The following FNDC3B variants were observed in gnomAD, a reference collection of about 807,000 sequenced individuals.
The protein encoded by FNDC3B is fibronectin type III domain containing 3B.
A neutral mutation model predicts 151.5 loss-of-function variants in FNDC3B; 12 were observed. The observed-to-expected ratio is 0.08, with a 90% CI of 0.05 to 0.13. The LOEUF is 0.13. Ranked by LOEUF, FNDC3B falls within the 10% of genes least tolerant of loss-of-function variation. The pLI, the probability that FNDC3B is intolerant of heterozygous loss-of-function variation, is 1.00. For missense variants in FNDC3B, 1,214 were observed against 1,505.3 expected, an observed-to-expected ratio of 0.81 and a Z score of 3.20; for synonymous variants, 528 against 549.0, an observed-to-expected ratio of 0.96 and a Z score of 0.54.
At chr3:172,347,539 T>G (rs1733671661) in intron 21 of FNDC3B, among the ~76,000 whole-genome samples, 178 bp downstream of exon 21, 2 of 152,324 alleles carry the variant, frequency 1.3e-5, no homozygotes, top group East Asian at 3.9e-4. Context: ...AATTTCCACT[T>G]CTCTAGGAAA....
At chr3:172,310,584 G>GA in intron 10 of FNDC3B, among the ~76,000 whole-genome samples, 1 of 152,222 alleles carries the variant, frequency 6.6e-6, no homozygotes, top group Non-Finnish European at 1.5e-5. Context: ...GGTGGTGGTG[G>GA]TGGTAGGTAG....
rs116267041 is a variant in FNDC3B, at chr3:172,245,571, T to C, written c.265-1962T>C. ...AAAATCATGATGTATTTATACTACA[T>C]GTGCTATTTATATACATGTGCTACC... On this transcript the variant is annotated intron_variant, in intron 4 of 25. Transcript: ENST00000415807. 2.0e-5 allele frequency among the ~76,000 whole-genome samples: 3 copies of C among 152,338 alleles called. No homozygotes were observed. In the East Asian group the frequency reaches 5.8e-4, roughly 29 times the overall value.
In FNDC3B at chr3:172,251,421, G is replaced by A. The variant is rs1678199524; in HGVS notation, c.670G>A (p.Gly224Ser). 1 of 1,613,984 alleles carries A rather than the reference G, an allele frequency of 6.2e-7. No homozygotes were observed. Among genetic ancestry groups the A allele is most frequent in the African/African-American group, 1.3e-5 (1 of 74,910 alleles). The change falls in exon 6 of 26, where the codon GGC becomes AGC. Residue 224 changes from glycine (G) to serine (S), a missense_variant. By Grantham distance (56) the Gly-to-Ser change is moderately conservative. This residue lies in a region of FNDC3B where 166 missense variants were observed against 173.2 expected (regional missense o/e 0.96). Coordinates refer to ENST00000415807, the MANE Select transcript of FNDC3B (RefSeq NM_022763.4). ...YKSSCTTVYN[G>S]YGKGHSGGSG... ...AAGCAGCTGCACAACAGTATACAAT[G>A]GCTATGGGAAGGGCCATAGTGGTGG...
chr3:172,092,520 G>A (rs144008121), intron 1 of FNDC3B, among the ~76,000 whole-genome samples: 322 of 152,318 alleles, frequency 2.1e-3, no homozygotes, highest in Non-Finnish European at 4.0e-3. Context: ...CTCTCAGAGA[G>A]GCTCATAATT....
At chr3:172,372,522 A>G (rs865967409) in intron 23 of FNDC3B, among the ~76,000 whole-genome samples, 4 of 152,252 alleles carry the variant, frequency 2.6e-5, no homozygotes, top group Non-Finnish European at 5.9e-5. Flanking sequence ...CATGAAAATA[A>G]CAAAGTGAGC....
At chr3:172,386,065 C>T (rs1735692452) in intron 25 of FNDC3B, among the ~76,000 whole-genome samples, 1 of 152,204 alleles carries the variant, frequency 6.6e-6, no homozygotes, top group Non-Finnish European at 1.5e-5. Context: ...CACAATTTTA[C>T]TCTTCATTAG....
At chr3:172,123,544 T>C (rs1720659972) in intron 2 of FNDC3B, among the ~76,000 whole-genome samples, 1 of 152,180 alleles carries the variant, frequency 6.6e-6, no homozygotes, top group Admixed American at 6.5e-5. Context: ...GAGTGTTGAG[T>C]TGTCATTCTA....
At chr3:172,060,705 TAC>T (rs1326836279) in intron 1 of FNDC3B, among the ~76,000 whole-genome samples, 1 of 152,218 alleles carries the variant, frequency 6.6e-6, no homozygotes, top group Non-Finnish European at 1.5e-5. Context: ...TTCTCTTATA[TAC>T]AGAGACTGGC....
chr3:172,278,979 A>G (rs922595571), intron 6 of FNDC3B, among the ~76,000 whole-genome samples: 5 of 152,158 alleles, frequency 3.3e-5, no homozygotes. Context: ...AGTTCCATGC[A>G]TATACATGAT....
intron 7 of FNDC3B, among the ~76,000 whole-genome samples, chr3:172,288,181 C>T (rs140472524): frequency 6.6e-6 from 1 of 152,348 alleles, no homozygotes; most frequent in African/African-American, 2.4e-5. Flanking sequence ...TCTAATCTAC[C>T]AGATACTTCT....
At chr3:172,107,133 G>C (rs1216299558) in intron 1 of FNDC3B, among the ~76,000 whole-genome samples, 1 of 152,160 alleles carries the variant, frequency 6.6e-6, no homozygotes, top group Admixed American at 6.5e-5. Flanking sequence ...CCACGTGGCA[G>C]CCTTTCCCTG....
chr3:172,317,678 G>A (rs1731880318), intron 11 of FNDC3B, among the ~76,000 whole-genome samples: 4 of 152,290 alleles, frequency 2.6e-5, no homozygotes, highest in East Asian at 1.9e-4. Context: ...TCAGTGTAAC[G>A]ATTGTTCCAT....
intron 25 of FNDC3B, among the ~76,000 whole-genome samples, chr3:172,395,631 A>G (rs950045899): frequency 6.7e-6 from 1 of 150,316 alleles, no homozygotes; most frequent in East Asian, 1.9e-4. Flanking sequence ...ATTCCTCAAG[A>G]AAACAAGTAG....
At chr3:172,254,474 G>A (rs1728236188) in intron 6 of FNDC3B, among the ~76,000 whole-genome samples, 1 of 152,108 alleles carries the variant, frequency 6.6e-6, no homozygotes, top group Admixed American at 6.5e-5. Context: ...GTATGGAATA[G>A]GGACTGTATC....
At chr3:172,136,824 A>G (rs890762957) in intron 3 of FNDC3B, among the ~76,000 whole-genome samples, 1 of 150,590 alleles carries the variant, frequency 6.6e-6, no homozygotes, top group African/African-American at 2.4e-5. Flanking sequence ...GGTTCAAGCG[A>G]CTCTCCTGCC....
At chr3:172,240,777 T>C (rs774698880) in intron 4 of FNDC3B, among the ~76,000 whole-genome samples, 8 of 152,202 alleles carry the variant, frequency 5.3e-5, no homozygotes, top group Non-Finnish European at 1.2e-4. Flanking sequence ...CTGATGTCCT[T>C]TTCCATCTCC....
At chr3:172,106,295 C>G (rs1046146834) in intron 1 of FNDC3B, among the ~76,000 whole-genome samples, 3 of 152,120 alleles carry the variant, frequency 2.0e-5, no homozygotes, top group African/African-American at 7.2e-5. Flanking sequence ...ACCACCATGC[C>G]CAGTTTTCCA....
chr3:172,388,338 T>A (rs1169993450), intron 25 of FNDC3B, among the ~76,000 whole-genome samples: 1 of 152,238 alleles, frequency 6.6e-6, no homozygotes, highest in East Asian at 1.9e-4. Context: ...TTAAATCCTC[T>A]CATTTGGAAT....
chr3:172,188,146 C>T (rs955947333), intron 3 of FNDC3B, among the ~76,000 whole-genome samples: 4 of 151,694 alleles, frequency 2.6e-5, no homozygotes, highest in Admixed American at 6.6e-5. Flanking sequence ...CAGGCATGTG[C>T]CACCACGCCC....
Sources: allele counts gnomAD v4.1 joint callset (sites outside exome capture counted in the v4.1 genomes callset), GRCh38; gene constraint gnomAD v4.1.1; regional missense constraint gnomAD v4.1.1; transcripts MANE v1.5; gene names NCBI Gene and HGNC (gene_info 2026-07-23, HGNC 2026-07-21).